Variants in ERBB4 observed in about 807,000 individuals in gnomAD.
ERBB4 encodes receptor tyrosine-protein kinase erbB-4.
Under a neutral mutation model 158.0 loss-of-function variants are expected in ERBB4, and 42 were observed. The observed-to-expected ratio is 0.27, with a 90% CI of 0.21 to 0.34. The LOEUF (loss-of-function observed/expected upper bound fraction) is 0.34, where lower values mean the gene tolerates loss of function less well. Among genes scored for constraint, ERBB4 ranks in the 10% least tolerant of loss-of-function variants. The pLI, the probability that ERBB4 is intolerant of heterozygous loss-of-function variation, is 1.00. For missense variants in ERBB4, 1,333 were observed against 1,624.1 expected, an observed-to-expected ratio of 0.82 and a Z score of 3.08; for synonymous variants, 583 against 558.7, an observed-to-expected ratio of 1.04 and a Z score of -0.61.
At chr2:212,386,478 T>A (rs1408718216) in intron 1 of ERBB4, among the ~76,000 whole-genome samples, 2 of 151,630 alleles carry the variant, frequency 1.3e-5, no homozygotes, top group Non-Finnish European at 2.9e-5. Flanking sequence ...TTTCCCTCTC[T>A]ACATATGAAC....
Position 212,427,624 on chromosome 2 carries a change from C to G in ERBB4, c.82+110825G>C, listed in dbSNP as rs539862379. On this transcript the variant is annotated intron_variant, in intron 1 of 27. Transcript: ENST00000342788. The stretch of plus-strand genomic sequence containing the variant: ...GCATCACTGGTCATATAATTCACTT[C>G]CTTTTCCTACAAATAAATTTTATTT... Among the ~76,000 whole-genome samples the G allele has an allele frequency of 2.0e-5, 3 of 152,228 alleles. No individual in the cohort carries two copies. The South Asian group carries it at 6.2e-4, about 32-fold the overall frequency.
At chr2:211,897,900 G>A (rs2079140412) in intron 3 of ERBB4, among the ~76,000 whole-genome samples, 1 of 151,774 alleles carries the variant, frequency 6.6e-6, no homozygotes, top group South Asian at 2.1e-4. Context: ...GGGACTACAG[G>A]CACACACAAC....
chr2:212,039,083 A>G (rs1287673295), intron 2 of ERBB4, among the ~76,000 whole-genome samples: 1 of 152,080 alleles, frequency 6.6e-6, no homozygotes, highest in Non-Finnish European at 1.5e-5. Flanking sequence ...TTATTTTCTC[A>G]TTTATTTAGT....
chr2:211,976,780 C>T (rs1262999336), intron 2 of ERBB4, among the ~76,000 whole-genome samples: 1 of 152,042 alleles, frequency 6.6e-6, no homozygotes, highest in Non-Finnish European at 1.5e-5. Context: ...TCCGAGGCAA[C>T]ATCTACAATG....
In ERBB4 at chr2:211,378,868, G is replaced by C. The variant is rs1181643158; in HGVS notation, c.*4747C>G. 2 of 220,656 alleles carry C rather than the reference G, an allele frequency of 9.1e-6. No homozygotes were observed. The highest frequency in any genetic ancestry group is 1.7e-5 in the Non-Finnish European group (2 of 114,842). 13.7% of individuals were successfully genotyped at this position (220,656 alleles called of 1,614,324 possible). On this transcript the variant is annotated 3_prime_UTR_variant, in exon 28 of 28. Coordinates refer to ENST00000342788, the MANE Select transcript of ERBB4 (RefSeq NM_005235.3). ...TCCTCTGCCCACAGTATATACAGTA[G>C]AAGTTAATTTATCTGTTTCTTTTTT...
intron 2 of ERBB4, among the ~76,000 whole-genome samples, chr2:212,026,896 C>T (rs2125339421): frequency 6.6e-6 from 1 of 151,722 alleles, no homozygotes; most frequent in African/African-American, 2.4e-5. Flanking sequence ...AAGAAAGATT[C>T]ATTCATTAAA....
chr2:212,120,455 T>C (rs967392661), intron 2 of ERBB4, among the ~76,000 whole-genome samples: 4 of 152,300 alleles, frequency 2.6e-5, no homozygotes, highest in African/African-American at 2.4e-5. Context: ...ACTAATTCAT[T>C]TGTCCATTCA....
At chr2:211,927,002 G>A (rs1166470785) in intron 3 of ERBB4, among the ~76,000 whole-genome samples, 1 of 152,150 alleles carries the variant, frequency 6.6e-6, no homozygotes, top group Non-Finnish European at 1.5e-5. Context: ...TATTACTCTA[G>A]TGAGAAAAAT....
At chr2:211,974,707 G>A (rs2125212861) in intron 2 of ERBB4, among the ~76,000 whole-genome samples, 1 of 152,270 alleles carries the variant, frequency 6.6e-6, no homozygotes, top group East Asian at 1.9e-4. Flanking sequence ...GTGAGCCAAG[G>A]TCTAAGATTG....
At chr2:211,923,643 T>C (rs2079933681) in intron 3 of ERBB4, among the ~76,000 whole-genome samples, 1 of 152,186 alleles carries the variant, frequency 6.6e-6, no homozygotes, top group African/African-American at 2.4e-5. Context: ...AGAAGTGGTG[T>C]ACAGAGATGC....
At chr2:212,154,625 C>G (rs2080977733) in intron 1 of ERBB4, among the ~76,000 whole-genome samples, 1 of 150,830 alleles carries the variant, frequency 6.6e-6, no homozygotes. Flanking sequence ...CCTGTCTCTT[C>G]CCTGCAAGTG....
chr2:212,247,850 G>C (rs2084370515), intron 1 of ERBB4, among the ~76,000 whole-genome samples: 1 of 152,070 alleles, frequency 6.6e-6, no homozygotes, highest in Non-Finnish European at 1.5e-5. Context: ...TGTAATCCCA[G>C]CTACTAAGGA....
chr2:212,011,227 G>A lies in ERBB4; in HGVS notation c.235-63611C>T, dbSNP rs556646018. On this transcript the variant is annotated intron_variant, in intron 2 of 27. Coordinates refer to ENST00000342788, the MANE Select transcript of ERBB4 (RefSeq NM_005235.3). ...AAGTATTATTTGGGAATTGATAAAT[G>A]TCCACGAAATCATCACAATTTATGT... Among the ~76,000 whole-genome samples the A allele has an allele frequency of 7.2e-5, 11 of 152,292 alleles. No individual in the cohort carries two copies. In the East Asian group the frequency reaches 1.7e-3, roughly 24 times the overall value.
chr2:212,393,691 C>T (rs143402357), intron 1 of ERBB4, among the ~76,000 whole-genome samples: 1,562 of 152,142 alleles, frequency 0.01, 48 homozygotes, highest in East Asian at 0.064. Flanking sequence ...AAGATTTGAT[C>T]TTGGATCCAC....
intron 1 of ERBB4, among the ~76,000 whole-genome samples, chr2:212,167,189 C>A (rs1054348100): frequency 6.6e-6 from 1 of 151,962 alleles, no homozygotes; most frequent in African/African-American, 2.4e-5. Context: ...GTACCATCTA[C>A]CCATCTGACA....
At chr2:211,804,331 A>G (rs1434451002) in intron 3 of ERBB4, among the ~76,000 whole-genome samples, 1 of 152,208 alleles carries the variant, frequency 6.6e-6, no homozygotes, top group African/African-American at 2.4e-5. Flanking sequence ...GTCCTGCATT[A>G]ATCACTCAGG....
intron 4 of ERBB4, among the ~76,000 whole-genome samples, chr2:211,757,127 T>C (rs1010121541): frequency 1.3e-5 from 2 of 152,214 alleles, no homozygotes; most frequent in Non-Finnish European, 2.9e-5. Context: ...ATACTTCCAC[T>C]TGTTCTTATC....
At chr2:212,011,138 T>A (rs534447731) in intron 2 of ERBB4, among the ~76,000 whole-genome samples, 1 of 152,254 alleles carries the variant, frequency 6.6e-6, no homozygotes, top group Admixed American at 6.5e-5. Context: ...GTGATGTACA[T>A]CCTTAGCTTA....
chr2:211,835,507 A>AT (rs967457542), intron 3 of ERBB4, among the ~76,000 whole-genome samples: 20 of 152,078 alleles, frequency 1.3e-4, no homozygotes, highest in South Asian at 4.2e-4. Context: ...TTCTTGATTA[A>AT]TTTTTTTTAT....
Sources: allele counts gnomAD v4.1 joint callset (sites outside exome capture counted in the v4.1 genomes callset), GRCh38; gene constraint gnomAD v4.1.1; transcripts MANE v1.5; gene names NCBI Gene and HGNC (gene_info 2026-07-23, HGNC 2026-07-21).